Variants in DNAJC24 observed in about 807,000 individuals in gnomAD.
The protein encoded by DNAJC24 is DnaJ heat shock protein family (Hsp40) member C24, also known as dnaJ homolog subfamily C member 24.
DNAJC24 carries 17 observed loss-of-function variants against 18.0 expected under a neutral mutation model. The observed-to-expected ratio is 0.94, with a 90% CI of 0.65 to 1.42. The LOEUF (loss-of-function observed/expected upper bound fraction) is 1.42. Ranked by LOEUF, DNAJC24 falls within the 40% of genes most tolerant of loss-of-function variation. DNAJC24 has a pLI of 0.00. For synonymous variants in DNAJC24, 55 were observed against 57.7 expected, an observed-to-expected ratio of 0.95 and a Z score of 0.21; for missense variants, 158 against 175.6, an observed-to-expected ratio of 0.90 and a Z score of 0.57.
At chr11:31,416,331 T>A (rs896166950) in intron 3 of DNAJC24, 2 of 152,198 alleles carry the variant, frequency 1.3e-5, no homozygotes, top group Non-Finnish European at 1.5e-5. Flanking sequence ...CTTCGTTTGA[T>A]GATAAGTTCT....
intron 3 of DNAJC24, among the ~76,000 whole-genome samples, chr11:31,420,052 T>G (rs927948341): frequency 2.0e-5 from 3 of 152,080 alleles, no homozygotes; most frequent in African/African-American, 7.2e-5. Context: ...TAAGAACATT[T>G]ATAACTCTAT....
At chr11:31,405,160 C>A (rs1303437608) in intron 2 of DNAJC24, among the ~76,000 whole-genome samples, 1 of 150,932 alleles carries the variant, frequency 6.6e-6, no homozygotes, top group African/African-American at 2.4e-5. Context: ...ACCTCCGCTT[C>A]CCAGATTCCA....
At chr11:31,396,748 G>A (rs1952545415) in intron 2 of DNAJC24, among the ~76,000 whole-genome samples, 1 of 151,936 alleles carries the variant, frequency 6.6e-6, no homozygotes, top group African/African-American at 2.4e-5. Flanking sequence ...AAAATAATGT[G>A]GAGTTTTAAT....
At chr11:31,398,289 C>T (rs192317346) in intron 2 of DNAJC24, among the ~76,000 whole-genome samples, 3 of 151,828 alleles carry the variant, frequency 2.0e-5, no homozygotes, top group Admixed American at 6.6e-5. Context: ...GACTTTCTCT[C>T]ATCATTAGGT....
intron 2 of DNAJC24, among the ~76,000 whole-genome samples, chr11:31,377,112 C>T (rs923562152): frequency 1.3e-5 from 2 of 152,034 alleles, no homozygotes; most frequent in Admixed American, 6.6e-5. Flanking sequence ...TGACTAACAG[C>T]ATTTTGTATC....
At chr11:31,370,317 CTTT>C (rs530395446) in intron 1 of DNAJC24, among the ~76,000 whole-genome samples, 1 of 151,282 alleles carries the variant, frequency 6.6e-6, no homozygotes, top group Non-Finnish European at 1.5e-5. Flanking sequence ...TTCTGTTTTG[CTTT>C]TTTTTTATTC....
intron 2 of DNAJC24, among the ~76,000 whole-genome samples, chr11:31,381,783 G>A (rs765268535): frequency 7.2e-5 from 11 of 151,798 alleles, no homozygotes; most frequent in African/African-American, 2.2e-4. Flanking sequence ...CACCATGTTC[G>A]CCAGGCTGGT....
chr11:31,371,395 T>G (rs1271063399), intron 2 of DNAJC24, among the ~76,000 whole-genome samples: 1 of 152,236 alleles, frequency 6.6e-6, no homozygotes, highest in East Asian at 1.9e-4. Flanking sequence ...TGTGTCCATC[T>G]GCTGATAAAC....
intron 2 of DNAJC24, among the ~76,000 whole-genome samples, chr11:31,383,358 T>C (rs761035996): frequency 2.6e-5 from 4 of 152,118 alleles, no homozygotes; most frequent in Non-Finnish European, 4.4e-5. Flanking sequence ...AGTCATTCCA[T>C]TAGCATACAA....
chr11:31,407,521 C>T (rs1952666931), intron 2 of DNAJC24: 1 of 151,112 alleles, frequency 6.6e-6, no homozygotes, highest in Admixed American at 6.6e-5. Context: ...CTCATCTCTA[C>T]AGAAAATACA....
chr11:31,391,064 A>T (rs80329799), intron 2 of DNAJC24, among the ~76,000 whole-genome samples: 5 of 152,194 alleles, frequency 3.3e-5, no homozygotes, highest in Admixed American at 3.3e-4. Context: ...AGATCAATCA[A>T]TGTGATCCAT....
chr11:31,378,709 T>C (rs1952344973), intron 2 of DNAJC24, among the ~76,000 whole-genome samples: 1 of 152,136 alleles, frequency 6.6e-6, no homozygotes, highest in African/African-American at 2.4e-5. Flanking sequence ...ATTATATCTT[T>C]AGAGAAAAGG....
At position 31,374,043 on chromosome 11, in the gene DNAJC24, G is replaced by A. The variant is rs377268659; in HGVS notation, c.111+3184G>A. 7 of 340,480 alleles carry A rather than the reference G, an allele frequency of 2.1e-5. 2 individuals carry two copies. In the East Asian group the frequency reaches 2.9e-4, roughly 14 times the overall value. 21.1% of individuals were successfully genotyped at this position (340,480 alleles called of 1,614,324 possible). On this transcript the variant is annotated intron_variant, in intron 2 of 4. Coordinates refer to ENST00000465995, the MANE Select transcript of DNAJC24 (RefSeq NM_181706.5). ...CACAATTATGTCATTTGCAGATAAC[G>A]AGAGTTTTAATTCTGTCTTACCAAT...
At chr11:31,402,003 CTG>C (rs1395659310) in intron 2 of DNAJC24, among the ~76,000 whole-genome samples, 1 of 152,168 alleles carries the variant, frequency 6.6e-6, no homozygotes, top group Non-Finnish European at 1.5e-5. Context: ...AGATACAGCC[CTG>C]TGTCACTTCA....
At chr11:31,399,745 T>C (rs867239905) in intron 2 of DNAJC24, among the ~76,000 whole-genome samples, 6,894 of 144,866 alleles carry the variant, frequency 0.048, 388 homozygotes, top group African/African-American at 0.13. Context: ...TTTTCTTTTT[T>C]TTTTTTTTTT....
chr11:31,427,468 T>C (rs1411233499), intron 4 of DNAJC24: 1 of 152,072 alleles, frequency 6.6e-6, no homozygotes, highest in East Asian at 1.9e-4. Context: ...ACACTAGTGA[T>C]ACAGATTTTC....
At chr11:31,421,097 A>C (rs959849911) in intron 3 of DNAJC24, among the ~76,000 whole-genome samples, 1 of 152,196 alleles carries the variant, frequency 6.6e-6, no homozygotes, top group Admixed American at 6.6e-5. Flanking sequence ...TATAGGGTTT[A>C]TGACTTAAAG....
At chr11:31,416,830 C>T (rs917710361) in intron 3 of DNAJC24, 2 of 152,116 alleles carry the variant, frequency 1.3e-5, no homozygotes, top group Non-Finnish European at 2.9e-5. Context: ...GACAAATAAT[C>T]ATCATATTCA....
At chr11:31,414,172 T>C (rs1325896903) in intron 2 of DNAJC24, among the ~76,000 whole-genome samples, 1 of 152,254 alleles carries the variant, frequency 6.6e-6, no homozygotes, top group Non-Finnish European at 1.5e-5. Context: ...TAAGATTCTT[T>C]AATGAATTAA....
Sources: gnomAD v4.1 joint callset for allele counts (sites outside exome capture counted in the v4.1 genomes callset) on GRCh38, gnomAD v4.1.1 for gene constraint, MANE v1.5 for transcripts, NCBI Gene and HGNC (gene_info 2026-07-23, HGNC 2026-07-21) for gene names.